Variants in MEIOB observed in about 807,000 individuals in gnomAD.
MEIOB encodes the protein meiosis specific with OB-fold, also known as meiosis-specific with OB domain-containing protein.
Under a neutral mutation model 53.1 loss-of-function variants are expected in MEIOB, and 50 were observed. That is an observed-to-expected ratio of 0.94 (90% CI 0.75 to 1.19). MEIOB has a LOEUF of 1.19. Ranked by LOEUF, MEIOB falls within the 50% of genes most tolerant of loss-of-function variation. The pLI is 0.00. For missense variants in MEIOB, 551 were observed against 550.8 expected, an observed-to-expected ratio of 1.00 and a Z score of 0.00; for synonymous variants, 192 against 182.5, an observed-to-expected ratio of 1.05 and a Z score of -0.42.
At chr16:1,863,347 A>C (rs556265660) in intron 3 of MEIOB, among the ~76,000 whole-genome samples, 1 of 46,224 alleles carries the variant, frequency 2.2e-5, no homozygotes, top group African/African-American at 8.1e-5. Context: ...ATGCCAGGCT[A>C]ATTTTTGTTT....
chr16:1,868,032 GAATC>G, intron 2 of MEIOB, 71 bp downstream of exon 2: 1 of 780,846 alleles, frequency 1.3e-6, no homozygotes, highest in East Asian at 2.8e-5. Flanking sequence ...TGTGTTGAAT[GAATC>G]AATAACATTG....
At position 1,841,867 on chromosome 16, in the gene MEIOB, G is replaced by GAGAATGTTGAGTGA. The variant is rs756714622; in HGVS notation, c.986_987insTCACTCAACATTCT (p.Thr330HisfsTer16). The stretch of plus-strand genomic sequence containing the variant: ...TAGTTTCATCATCAATGTTGAGTGT[G>GAGAATGTTGAGTGA]GAAATGTAGGCATAAAGGATGCCAT... On this transcript the variant is annotated frameshift_variant, in exon 11 of 14. Coordinates refer to ENST00000325962, the MANE Select transcript of MEIOB (RefSeq NM_001163560.3). LOFTEE classifies it high-confidence loss of function. 1.2e-6 allele frequency: 2 copies of GAGAATGTTGAGTGA among 1,604,106 alleles called. No homozygotes were observed. Among genetic ancestry groups the GAGAATGTTGAGTGA allele is most frequent in the Non-Finnish European group, 1.7e-6 (2 of 1,175,684 alleles).
chr16:1,856,471 C>G lies in MEIOB; in HGVS notation c.528+1264G>C, dbSNP rs926577210. 2.0e-5 allele frequency among the ~76,000 whole-genome samples: 3 copies of G among 152,108 alleles called. No homozygotes were observed. In the South Asian group the frequency reaches 6.2e-4, roughly 32 times the overall value. On this transcript the variant is annotated intron_variant, in intron 6 of 13. Transcript: ENST00000325962. ...AGTAGCTGGGACTACAGGCGCCCAC[C>G]ACCTCACCTGGCTAATTTTTTGTAT...
intron 9 of MEIOB, among the ~76,000 whole-genome samples, chr16:1,849,545 C>CAA (rs373210979): frequency 1.3e-5 from 1 of 79,224 alleles, no homozygotes; most frequent in Admixed American, 1.7e-4. Flanking sequence ...GACTCCGTCT[C>CAA]AAAAAAAAAA....
rs527328098 is a variant in MEIOB, at chr16:1,846,894, C to T, written c.779-1931G>A. 3.9e-5 allele frequency among the ~76,000 whole-genome samples: 6 copies of T among 152,292 alleles called. No individual in the cohort carries two copies. The South Asian group carries it at 8.3e-4, about 21-fold the overall frequency. The stretch of plus-strand genomic sequence containing the variant: ...ATGATGGGCTGGGCGTGGTGGTTCA[C>T]GCCTATAATCCCAGCACTTTGGGAG... On this transcript the variant is annotated intron_variant, in intron 9 of 13. Transcript: ENST00000325962.
intron 12 of MEIOB, 189 bp from the exon 13 acceptor site, chr16:1,838,059 C>G (rs1596962227): frequency 9.1e-7 from 1 of 1,097,722 alleles, no homozygotes; most frequent in East Asian, 2.6e-5. Flanking sequence ...TGCAGCAGTG[C>G]TATCACAGCT....
intron 4 of MEIOB, among the ~76,000 whole-genome samples, chr16:1,861,493 T>A (rs181558302): frequency 6.6e-6 from 1 of 151,958 alleles, no homozygotes; most frequent in Admixed American, 6.6e-5. Flanking sequence ...ACTATCACAT[T>A]TGTATGCTTC....
At chr16:1,834,402 AT>A in intron 13 of MEIOB, 36 bp from the exon 14 acceptor site, 1 of 1,140,740 alleles carries the variant, frequency 8.8e-7, no homozygotes, top group Non-Finnish European at 1.3e-6. Flanking sequence ...CAAAAGGTTA[AT>A]TTTTAAAATC....
At chr16:1,857,311 C>A (rs1899332673) in intron 6 of MEIOB, among the ~76,000 whole-genome samples, 2 of 152,290 alleles carry the variant, frequency 1.3e-5, no homozygotes, top group South Asian at 4.1e-4. Context: ...CGTGTATTCC[C>A]ACTCCCTCCC....
intron 11 of MEIOB, among the ~76,000 whole-genome samples, chr16:1,840,780 G>A (rs540542081): frequency 6.6e-6 from 1 of 152,138 alleles, no homozygotes; most frequent in South Asian, 2.1e-4. Context: ...TCAATCTCCT[G>A]ACCTCGTGAT....
rs764238235 is a variant in MEIOB at position 1,853,047 on chromosome 16, G to T, written c.770C>A (p.Thr257Asn). The T allele has an allele frequency of 6.2e-7, 1 of 1,607,362 alleles. No homozygotes were observed. The highest frequency in any genetic ancestry group is 8.5e-7 in the Non-Finnish European group (1 of 1,174,430). ...TTCACAAAGTTTTTTACCTGGATTAGTTGTAATAATGGTTTTTGAGATTAC... is the reference window on the plus strand; with the variant it reads ...TTCACAAAGTTTTTTACCTGGATTATTTGTAATAATGGTTTTTGAGATTAC... The part of the protein sequence containing the change: ...ATVISKTIIT[T>N]NPDIPEANIL... The change falls in exon 9 of 14, where the codon ACT (threonine) becomes AAT (asparagine). Residue 257 changes from threonine (T) to asparagine (N), a missense_variant. Transcript: ENST00000325962.
intron 1 of MEIOB, among the ~76,000 whole-genome samples, chr16:1,869,041 T>G (rs1899666063): frequency 6.6e-6 from 1 of 152,144 alleles, no homozygotes. Flanking sequence ...AATTTTTAAC[T>G]TTCATTTCTA....
At chr16:1,857,685 T>A in intron 6 of MEIOB, 50 bp downstream of exon 6, 2 of 1,436,676 alleles carry the variant, frequency 1.4e-6, no homozygotes, top group Non-Finnish European at 1.9e-6. Context: ...ATCAAGTGAC[T>A]GCACCTCCCC....
rs754761453 is a variant in MEIOB, at chr16:1,854,131, C to T, written c.598G>A (p.Asp200Asn). The T allele has an allele frequency of 9.0e-6, 14 of 1,550,878 alleles. No individual in the cohort carries two copies. In the South Asian group the frequency reaches 1.4e-4, roughly 16 times the overall value. ...ATCGCAAAAGACGACTCTGTTTCAT[C>T]ATAGAGTCTAACTTCACACCTCTGG... Reference protein sequence around the residue: ...KGQRCEVRLYDETESSFAMTC... With the variant: ...KGQRCEVRLYNETESSFAMTC... Residue 200 changes from aspartate to asparagine, a missense_variant, in exon 7 of 14, where the codon GAT becomes AAT. Coordinates refer to ENST00000325962, the MANE Select transcript of MEIOB (RefSeq NM_001163560.3).
At position 1,863,384 on chromosome 16, in the gene MEIOB, T is replaced by C. The variant is rs114027094; in HGVS notation, c.128-1268A>G. Among the ~76,000 whole-genome samples, 121 of 147,188 alleles carry C rather than the reference T, an allele frequency of 8.2e-4. 1 individual carries two copies. Among genetic ancestry groups the C allele is most frequent in the African/African-American group, 2.9e-3 (115 of 39,606 alleles). ...TTGTTTTTTTTTTAGTAAAAACGGG[T>C]TTCGTTTTTGTTTGTTTTTGAGACG... On this transcript the variant is annotated intron_variant, in intron 3 of 13. Coordinates refer to ENST00000325962, the MANE Select transcript of MEIOB (RefSeq NM_001163560.3).
intron 6 of MEIOB, among the ~76,000 whole-genome samples, chr16:1,855,052 T>C (rs1899265898): frequency 1.3e-5 from 2 of 151,746 alleles, no homozygotes; most frequent in African/African-American, 4.8e-5. Context: ...ACATCTGGGG[T>C]TGGGAAGGTG....
intron 10 of MEIOB, among the ~76,000 whole-genome samples, chr16:1,844,653 C>T (rs985457192): frequency 2.0e-5 from 3 of 148,918 alleles, no homozygotes; most frequent in South Asian, 2.1e-4. Context: ...GTAGAGACGG[C>T]GTTTTGCCAT....
At chr16:1,871,455 G>T (rs1212329680) in intron 1 of MEIOB, among the ~76,000 whole-genome samples, 1 of 131,096 alleles carries the variant, frequency 7.6e-6, no homozygotes, top group Non-Finnish European at 1.6e-5. Flanking sequence ...TCCTGACCTC[G>T]TGATCCACCC....
At position 1,853,264 on chromosome 16, in the gene MEIOB, T is replaced by C. The variant is rs1269353138; in HGVS notation, c.637A>G (p.Asn213Asp). The C allele has an allele frequency of 6.5e-7, 1 of 1,548,528 alleles. No homozygotes were observed. Residue 213 changes from asparagine (N) to aspartate (D), a missense_variant, in exon 8 of 14, where the codon AAT (asparagine) becomes GAT (aspartate). Asn to Asp is a conservative substitution (Grantham distance 23, BLOSUM62 1). Transcript: ENST00000325962. ...CTCTGTGCAAGTAGAATGGATTCAT[T>C]ATCCCAACTGCATTTGTTTAAAAAG... is the stretch of plus-strand genomic sequence containing the variant. ...ESSFAMTCWD[N>D]ESILLAQSWM...
Sources: gnomAD v4.1 joint callset for allele counts (sites outside exome capture counted in the v4.1 genomes callset) on GRCh38, gnomAD v4.1.1 for gene constraint, MANE v1.5 for transcripts, NCBI Gene and HGNC (gene_info 2026-07-23, HGNC 2026-07-21) for gene names.